Variants in GRID2 observed in about 807,000 individuals in gnomAD.
GRID2 encodes the protein glutamate receptor ionotropic, delta-2.
Under a neutral mutation model 114.8 loss-of-function variants are expected in GRID2, and 33 were observed. The observed-to-expected ratio is 0.29, with a 90% CI of 0.22 to 0.38. The LOEUF (loss-of-function observed/expected upper bound fraction) is 0.38. Ranked by LOEUF, GRID2 falls within the 10% of genes least tolerant of loss-of-function variation. The pLI is 1.00. For synonymous variants in GRID2, 505 were observed against 449.9 expected, an observed-to-expected ratio of 1.12 and a Z score of -1.55; for missense variants, 1,184 against 1,257.7, an observed-to-expected ratio of 0.94 and a Z score of 0.89.
chr4:93,254,235 A>G (rs1005158608), intron 8 of GRID2, among the ~76,000 whole-genome samples: 1 of 152,108 alleles, frequency 6.6e-6, no homozygotes, highest in African/African-American at 2.4e-5. Flanking sequence ...GGGTTATTAA[A>G]TCCTGTTATA....
chr4:93,548,514 G>C (rs984353468), intron 13 of GRID2, among the ~76,000 whole-genome samples: 3 of 152,058 alleles, frequency 2.0e-5, no homozygotes, highest in Admixed American at 1.3e-4. Flanking sequence ...TTGTGCAAAG[G>C]GCATAATCAT....
chr4:93,753,850 T>G (rs1332883792), intron 14 of GRID2, among the ~76,000 whole-genome samples: 1 of 152,224 alleles, frequency 6.6e-6, no homozygotes, highest in Non-Finnish European at 1.5e-5. Flanking sequence ...CAAGACTCAC[T>G]GAGCTGTAAT....
intron 2 of GRID2, among the ~76,000 whole-genome samples, chr4:92,861,396 G>C (rs550905138): frequency 2.6e-5 from 4 of 152,036 alleles, no homozygotes. Context: ...CAGGGGACAC[G>C]CACACTAGTG....
At chr4:93,548,009 TC>T (rs2149537699) in intron 13 of GRID2, among the ~76,000 whole-genome samples, 1 of 152,134 alleles carries the variant, frequency 6.6e-6, no homozygotes, top group Non-Finnish European at 1.5e-5. Context: ...AAACCTGGTC[TC>T]TACTAAAAAT....
At chr4:93,369,728 A>G (rs758044131) in intron 8 of GRID2, among the ~76,000 whole-genome samples, 1 of 152,106 alleles carries the variant, frequency 6.6e-6, no homozygotes. Flanking sequence ...AGATCTAGCA[A>G]TCCTCCTGCC....
intron 2 of GRID2, among the ~76,000 whole-genome samples, chr4:93,005,698 A>G (rs1043458294): frequency 6.6e-6 from 1 of 152,118 alleles, no homozygotes; most frequent in African/African-American, 2.4e-5. Flanking sequence ...ATATACATGC[A>G]ATGGAATAGT....
intron 14 of GRID2, among the ~76,000 whole-genome samples, chr4:93,653,197 T>C (rs1377908445): frequency 1.3e-5 from 2 of 152,036 alleles, no homozygotes; most frequent in Non-Finnish European, 2.9e-5. Context: ...TAAATTTGAG[T>C]TATAATAAAG....
chr4:92,315,766 T>A lies in GRID2; in HGVS notation c.88+11022T>A, dbSNP rs201357532. Among the ~76,000 whole-genome samples, 24 of 150,384 alleles carry A rather than the reference T, an allele frequency of 1.6e-4. No homozygotes were observed. In the East Asian group the frequency reaches 4.7e-3, roughly 29 times the overall value. ...CGGGTGGATCACCTGAGGTCAGGAG[T>A]TCAAGATCAGCCTGACCAACATGGT... On this transcript the variant is annotated intron_variant, in intron 1 of 15. Coordinates refer to ENST00000282020, the MANE Select transcript of GRID2 (RefSeq NM_001510.4).
rs1346075990 is a variant in GRID2, at chr4:92,752,811, CTG to C, written c.244+162529_244+162530del. 3.3e-5 allele frequency among the ~76,000 whole-genome samples: 5 copies of C among 152,198 alleles called. No individual in the cohort carries two copies. In the East Asian group the frequency reaches 9.6e-4, roughly 29 times the overall value. ...TAATAGAGGTCCAGTAGGTAAATGT[CTG>C]TGTCTGTAACTTTGTGTGTGTACAT... On this transcript the variant is annotated intron_variant, in intron 2 of 15. Transcript: ENST00000282020.
chr4:92,705,519 G>C (rs542942078), intron 2 of GRID2, among the ~76,000 whole-genome samples: 1 of 152,154 alleles, frequency 6.6e-6, no homozygotes. Context: ...TCCTTTTGAA[G>C]TTTAAAGTAT....
At chr4:92,650,329 G>C (rs570745947) in intron 2 of GRID2, among the ~76,000 whole-genome samples, 1 of 151,920 alleles carries the variant, frequency 6.6e-6, no homozygotes, top group South Asian at 2.1e-4. Context: ...TCTTTATTTG[G>C]TAGGGTGACC....
At chr4:93,013,607 C>A (rs1333342336) in intron 2 of GRID2, among the ~76,000 whole-genome samples, 1 of 151,886 alleles carries the variant, frequency 6.6e-6, no homozygotes, top group Non-Finnish European at 1.5e-5. Context: ...TGTCATCAGT[C>A]AGTATTTTTA....
intron 2 of GRID2, among the ~76,000 whole-genome samples, chr4:92,865,286 A>G (rs927202900): frequency 6.6e-6 from 1 of 152,230 alleles, no homozygotes; most frequent in Non-Finnish European, 1.5e-5. Context: ...ACGTGAATTC[A>G]TCAGATGATG....
At chr4:92,617,683 T>C (rs983588302) in intron 2 of GRID2, among the ~76,000 whole-genome samples, 1 of 151,780 alleles carries the variant, frequency 6.6e-6, no homozygotes, top group Non-Finnish European at 1.5e-5. Context: ...TTTTTTGTTA[T>C]TTTGATAATA....
intron 14 of GRID2, among the ~76,000 whole-genome samples, chr4:93,711,615 T>G (rs186131139): frequency 6.6e-6 from 1 of 152,176 alleles, no homozygotes; most frequent in Admixed American, 6.5e-5. Context: ...ATGGTCTAAA[T>G]GCTACCTCTG....
chr4:93,021,957 C>T (rs1723406692), intron 2 of GRID2, among the ~76,000 whole-genome samples: 2 of 150,930 alleles, frequency 1.3e-5, no homozygotes, highest in South Asian at 4.1e-4. Flanking sequence ...CTTCATATTA[C>T]ATTGGTGCAA....
chr4:92,521,318 T>G (rs906507468), intron 1 of GRID2, among the ~76,000 whole-genome samples: 4 of 151,896 alleles, frequency 2.6e-5, no homozygotes, highest in Non-Finnish European at 4.4e-5. Flanking sequence ...TATGCAAGTT[T>G]TATTATATAA....
rs1333666808 is a variant in GRID2 at position 92,713,474 on chromosome 4, TAC to T, written c.244+123190_244+123191del. 3.2e-3 allele frequency among the ~76,000 whole-genome samples: 205 copies of T among 64,564 alleles called. 1 individual carries two copies. Among genetic ancestry groups the T allele is most frequent in the East Asian group, 0.013 (18 of 1,440 alleles). 42.4% of individuals were successfully genotyped at this position (64,564 alleles called of 152,430 possible). ...GTTTACATATATTTACATATACATATACATATATATATATATATATATATATA... is the reference window on the plus strand; with the variant it reads ...GTTTACATATATTTACATATACATATATATATATATATATATATATATATA... On this transcript the variant is annotated intron_variant, in intron 2 of 15. Transcript: ENST00000282020.
chr4:93,435,360 G>A (rs183354739), intron 10 of GRID2, among the ~76,000 whole-genome samples: 6 of 152,172 alleles, frequency 3.9e-5, no homozygotes, highest in African/African-American at 1.4e-4. Flanking sequence ...TATATAAAAT[G>A]TTTTTATCTT....
Sources: gnomAD v4.1 joint callset for allele counts (sites outside exome capture counted in the v4.1 genomes callset) on GRCh38, gnomAD v4.1.1 for gene constraint, MANE v1.5 for transcripts, NCBI Gene and HGNC (gene_info 2026-07-23, HGNC 2026-07-21) for gene names.